The following MOK variants were observed in gnomAD, a reference collection of about 807,000 sequenced individuals.
MOK encodes the protein MAPK/MAK/MRK overlapping kinase.
In MOK, 59 loss-of-function variants were observed where a neutral mutation model predicts 54.2. That is an observed-to-expected ratio of 1.09 (90% CI 0.88 to 1.35). MOK has a LOEUF of 1.35. Ranked by LOEUF, MOK falls within the 40% of genes most tolerant of loss-of-function variation. The pLI is 0.00. For synonymous variants in MOK, 210 were observed against 202.7 expected (o/e 1.04, Z -0.31); for missense variants, 517 against 526.2 (o/e 0.98, Z 0.17).
rs757172627 is a variant in MOK at position 102,229,280 on chromosome 14, G to T, written c.*9C>A. The T allele has an allele frequency of 6.3e-7, 1 of 1,588,754 alleles. No individual in the cohort carries two copies. The highest frequency in any genetic ancestry group is 1.7e-5 in the Admixed American group (1 of 58,594). On this transcript the variant is annotated 3_prime_UTR_variant, in exon 12 of 12. Transcript: ENST00000361847. ...TTGCCTCCGAAGTCGAGACGACGGT[G>T]CTGCTCAGTTATCTTCCGCCTTTCC...
chr14:102,222,230 T>A (rs1456647911), downstream of MOK, among the ~76,000 whole-genome samples: 3 of 152,126 alleles, frequency 2.0e-5, no homozygotes, highest in Admixed American at 6.5e-5. This position sits in a 1 kb window ranked among gnomAD's most constrained non-coding sequence, Gnocchi z 4.4. Context: ...CAAGACTACT[T>A]TGTTCTGGGG....
chr14:102,276,453 G>A (rs925012438), intron 2 of MOK, among the ~76,000 whole-genome samples: 1 of 151,680 alleles, frequency 6.6e-6, no homozygotes, highest in Non-Finnish European at 1.5e-5. Flanking sequence ...AGCCAGCCTG[G>A]GTGATAGAGC....
chr14:102,233,519 G>A (rs2064935111), intron 8 of MOK, 169 bp downstream of exon 8: 2 of 598,308 alleles, frequency 3.3e-6, no homozygotes, highest in Non-Finnish European at 3.0e-6. Flanking sequence ...TTAAAGTGAT[G>A]GGCTCTGTCT....
At chr14:102,268,754 A>G (rs2068111103) in intron 2 of MOK, among the ~76,000 whole-genome samples, 1 of 152,096 alleles carries the variant, frequency 6.6e-6, no homozygotes, top group South Asian at 2.1e-4. Context: ...TCTCTACTAA[A>G]AAATACAAAA....
intron 2 of MOK, 166 bp downstream of exon 2, chr14:102,283,312 T>C: frequency 1.9e-6 from 1 of 514,470 alleles, no homozygotes; most frequent in South Asian, 3.7e-5. Context: ...ATGAGTAAAC[T>C]CCAGTATGAT....
Position 102,232,864 on chromosome 14 carries a change from A to AC in MOK, c.693-157dup. ...CACAGAACGTGCACCACCAAGAGGG[A>AC]CCCCTGATGTAAATGATGGGCTCTG... On this transcript the variant is annotated intron_variant, in intron 8 of 11. Coordinates refer to ENST00000361847, the MANE Select transcript of MOK (RefSeq NM_014226.3). The surrounding 1 kb of genome is among the most constrained non-coding windows in gnomAD (Gnocchi z 5.1). 1 of 589,842 alleles carries AC rather than the reference A, an allele frequency of 1.7e-6. No individual in the cohort carries two copies. The highest frequency in any genetic ancestry group is 3.1e-5 in the Admixed American group (1 of 32,122). 36.5% of individuals were successfully genotyped at this position (589,842 alleles called of 1,614,324 possible).
chr14:102,296,330 T>C (rs2071413810), intron 1 of MOK, among the ~76,000 whole-genome samples: 1 of 151,562 alleles, frequency 6.6e-6, no homozygotes, highest in Non-Finnish European at 1.5e-5. Context: ...TCCTACAAGC[T>C]ACAATACAAC....
intron 1 of MOK, among the ~76,000 whole-genome samples, chr14:102,292,036 T>G (rs1161375908): frequency 6.6e-6 from 1 of 152,084 alleles, no homozygotes; most frequent in Non-Finnish European, 1.5e-5. Flanking sequence ...CCATGCACTG[T>G]AGACACAAAT....
At chr14:102,274,058 C>T (rs895079811) in intron 2 of MOK, among the ~76,000 whole-genome samples, 8 of 151,548 alleles carry the variant, frequency 5.3e-5, no homozygotes, top group Non-Finnish European at 1.0e-4. Flanking sequence ...CCTGGGTTCA[C>T]TCCATTCTCC....
At chr14:102,237,726 G>A (rs2065349667) in intron 7 of MOK, among the ~76,000 whole-genome samples, 1 of 152,178 alleles carries the variant, frequency 6.6e-6, no homozygotes, top group African/African-American at 2.4e-5. Flanking sequence ...TAGGGCAACA[G>A]AAAGGAGACC....
At chr14:102,284,763 G>C (rs1036090425) in intron 1 of MOK, among the ~76,000 whole-genome samples, 2 of 152,138 alleles carry the variant, frequency 1.3e-5, no homozygotes, top group Admixed American at 6.6e-5. Flanking sequence ...AGAGGCATAT[G>C]AGCGAGGCCA....
rs1482099910 is a variant in MOK at position 102,250,937 on chromosome 14, C to T, written c.465G>A (p.Lys155=). The T allele has an allele frequency of 1.2e-6, 2 of 1,614,150 alleles. No homozygotes were observed. The highest frequency in any genetic ancestry group is 3.3e-5 in the Admixed American group (2 of 60,028). The change falls in exon 7 of 12, where the codon AAG becomes AAA. Residue 155 remains lysine, a synonymous_variant. Coordinates refer to ENST00000361847, the MANE Select transcript of MOK (RefSeq NM_014226.3). ...TGGAGATGTATTCCGTGTACGGCTG[C>T]TTGGAATAGACACTCCGGCAGGAGC... ...DFGSCRSVYS[K]QPYTEYISTR...
chr14:102,246,890 AC>A (rs757587511), intron 7 of MOK, among the ~76,000 whole-genome samples: 1 of 151,796 alleles, frequency 6.6e-6, no homozygotes, highest in Non-Finnish European at 1.5e-5. Context: ...TGTGCAACTT[AC>A]ACCGCACAAC....
At chr14:102,228,324 G>C (rs1307121136), downstream of MOK, among the ~76,000 whole-genome samples, 1 of 152,250 alleles carries the variant, frequency 6.6e-6, no homozygotes, top group African/African-American at 2.4e-5. Flanking sequence ...ACCTCGCCAG[G>C]CTGGTCACTG....
intron 2 of MOK, among the ~76,000 whole-genome samples, chr14:102,277,968 G>A (rs2069040147): frequency 6.6e-6 from 1 of 152,140 alleles, no homozygotes; most frequent in South Asian, 2.1e-4. Context: ...GAGGAGGTGG[G>A]GCTTTTGAGA....
intron 4 of MOK, among the ~76,000 whole-genome samples, chr14:102,257,877 TGAGGCAGGAGAATTGCTTGAATCCGG>T (rs2067094733): frequency 6.6e-6 from 1 of 151,178 alleles, no homozygotes; most frequent in Non-Finnish European, 1.5e-5. Flanking sequence ...CTTGGGAGCC[TGAGGCAGGAGAATTGCTTGAATCCGG>T]GAGGCAGAGG....
chr14:102,291,096 CTGGCTAA>C (rs2070715129), intron 1 of MOK, among the ~76,000 whole-genome samples: 1 of 152,150 alleles, frequency 6.6e-6, no homozygotes, highest in East Asian at 1.9e-4. Context: ...CTGGGAGAAA[CTGGCTAA>C]TGTAAGGCAG....
intron 7 of MOK, among the ~76,000 whole-genome samples, chr14:102,243,191 T>G (rs2065846226): frequency 6.6e-6 from 1 of 152,076 alleles, no homozygotes; most frequent in African/African-American, 2.4e-5. Context: ...AAATACCTGG[T>G]TTTGCCATCC....
At position 102,287,805 on chromosome 14, in the gene MOK, A is replaced by G. The variant is rs114520689; in HGVS notation, c.8-4213T>C. Among the ~76,000 whole-genome samples, 175 of 148,520 alleles carry G rather than the reference A, an allele frequency of 1.2e-3. 1 individual carries two copies. The highest frequency in any genetic ancestry group is 4.1e-3 in the African/African-American group (161 of 39,682). Reference sequence around the variant, plus strand: ...GTGCAGACACTATGAAAAACAGTTTAGCCAGTTCTTTGAGATTTTTTTTTT... The same window carrying G: ...GTGCAGACACTATGAAAAACAGTTTGGCCAGTTCTTTGAGATTTTTTTTTT... On this transcript the variant is annotated intron_variant, in intron 1 of 11. Transcript: ENST00000361847.
Sources: allele counts gnomAD v4.1 joint callset (sites outside exome capture counted in the v4.1 genomes callset), GRCh38; gene constraint gnomAD v4.1.1; non-coding constraint Gnocchi (gnomAD v3.1); transcripts MANE v1.5; gene names NCBI Gene and HGNC (gene_info 2026-07-23, HGNC 2026-07-21).